The following MMP16 variants were observed in gnomAD, a reference collection of about 807,000 sequenced individuals.
MMP16 encodes matrix metallopeptidase 16, also known as matrix metalloproteinase-16.
In MMP16, 12 loss-of-function variants were observed where a neutral mutation model predicts 67.8. The ratio of observed to expected loss-of-function variants is 0.18; its 90% confidence interval spans 0.11 to 0.29. MMP16 has a LOEUF of 0.29. MMP16 is among the 10% of genes least tolerant of loss of function. MMP16 has a pLI of 1.00. For synonymous variants in MMP16, 249 were observed against 255.9 expected (o/e 0.97, Z 0.26); for missense variants, 475 against 765.7 (o/e 0.62, Z 4.48).
intron 4 of MMP16, among the ~76,000 whole-genome samples, chr8:88,157,987 C>A (rs942001886): frequency 6.6e-6 from 1 of 152,166 alleles, no homozygotes; most frequent in African/African-American, 2.4e-5. Context: ...CATGTCCCTA[C>A]AAAGGACATG....
intron 7 of MMP16, among the ~76,000 whole-genome samples, chr8:88,069,050 G>C (rs1808506533): frequency 6.6e-6 from 1 of 152,164 alleles, no homozygotes; most frequent in Admixed American, 6.6e-5. Flanking sequence ...TAGGCTCTTT[G>C]TATCTGTATA....
chr8:88,140,068 G>A (rs959874158), intron 4 of MMP16, among the ~76,000 whole-genome samples: 3 of 152,050 alleles, frequency 2.0e-5, no homozygotes, highest in Non-Finnish European at 4.4e-5. Context: ...CTACCTTGGG[G>A]GTCTCTAGAG....
intron 1 of MMP16, among the ~76,000 whole-genome samples, chr8:88,308,377 T>C (rs1247266260): frequency 1.3e-5 from 2 of 152,096 alleles, no homozygotes; most frequent in African/African-American, 2.4e-5. Flanking sequence ...GGGAACATGT[T>C]CTATCTTGTC....
chr8:88,155,219 T>C (rs947794300), intron 4 of MMP16, among the ~76,000 whole-genome samples: 17 of 152,062 alleles, frequency 1.1e-4, no homozygotes, highest in Non-Finnish European at 1.6e-4. Context: ...CAAATATTTA[T>C]AAGGAATACT....
intron 1 of MMP16, among the ~76,000 whole-genome samples, chr8:88,220,295 T>C: frequency 6.6e-6 from 1 of 152,188 alleles, no homozygotes; most frequent in East Asian, 1.9e-4. Flanking sequence ...GTGTGTGTTT[T>C]GTTATGACTT....
At chr8:88,143,694 G>A (rs1362347235) in intron 4 of MMP16, among the ~76,000 whole-genome samples, 1 of 151,884 alleles carries the variant, frequency 6.6e-6, no homozygotes, top group East Asian at 1.9e-4. Flanking sequence ...GACTGAACAG[G>A]AGTTTATGAT....
chr8:88,238,952 C>T (rs952539275), intron 1 of MMP16, among the ~76,000 whole-genome samples: 3 of 151,998 alleles, frequency 2.0e-5, no homozygotes, highest in Non-Finnish European at 4.4e-5. Context: ...TGGCAAAACC[C>T]GCCTCTACTA....
intron 1 of MMP16, among the ~76,000 whole-genome samples, chr8:88,303,208 C>T (rs1282264695): frequency 1.3e-5 from 2 of 152,160 alleles, no homozygotes; most frequent in African/African-American, 4.8e-5. Flanking sequence ...TCCAGGGAGC[C>T]AGGCAGCGTC....
chr8:88,315,607 T>C (rs1172550903), intron 1 of MMP16, among the ~76,000 whole-genome samples: 1 of 152,114 alleles, frequency 6.6e-6, no homozygotes, highest in Non-Finnish European at 1.5e-5. Flanking sequence ...AGTAACTAAA[T>C]GTGTGTGTGT....
At chr8:88,239,400 G>A (rs1040535315) in intron 1 of MMP16, among the ~76,000 whole-genome samples, 3 of 150,988 alleles carry the variant, frequency 2.0e-5, no homozygotes, top group Non-Finnish European at 2.9e-5. Context: ...ACTTGTCATC[G>A]AGTGAAATAA....
intron 1 of MMP16, among the ~76,000 whole-genome samples, chr8:88,311,186 T>G (rs1403463042): frequency 6.6e-6 from 1 of 151,958 alleles, no homozygotes; most frequent in Non-Finnish European, 1.5e-5. Context: ...AAAAAAAATG[T>G]ATATTAGGAT....
intron 1 of MMP16, among the ~76,000 whole-genome samples, chr8:88,296,347 G>A (rs1320687450): frequency 6.6e-6 from 1 of 152,060 alleles, no homozygotes; most frequent in Non-Finnish European, 1.5e-5. Context: ...GTGATTTTCT[G>A]TCTGTATATA....
chr8:88,048,394 T>A (rs1808225528), intron 8 of MMP16, among the ~76,000 whole-genome samples: 1 of 151,820 alleles, frequency 6.6e-6, no homozygotes, highest in Admixed American at 6.6e-5. Flanking sequence ...CTCATTATTG[T>A]CCATGTATTT....
chr8:88,083,495 G>A (rs1808786568), intron 6 of MMP16, among the ~76,000 whole-genome samples: 1 of 152,062 alleles, frequency 6.6e-6, no homozygotes, highest in African/African-American at 2.4e-5. Flanking sequence ...TGGGATTAAA[G>A]TGGGAATCAA....
rs189818991 is a variant in MMP16 at position 88,158,401 on chromosome 8, G to C, written c.709+9268C>G. Among the ~76,000 whole-genome samples the C allele has an allele frequency of 7.9e-5, 12 of 152,254 alleles. No homozygotes were observed. In the East Asian group the frequency reaches 2.1e-3, roughly 27 times the overall value. On this transcript the variant is annotated intron_variant, in intron 4 of 9. Coordinates refer to ENST00000286614, the MANE Select transcript of MMP16 (RefSeq NM_005941.5). ...AGATGGTATCTCGTGGTTTTGATTT[G>C]CATTTCTCTGATGACCAGTGATGAT...
At chr8:88,300,887 C>G (rs1227060170) in intron 1 of MMP16, among the ~76,000 whole-genome samples, 1 of 151,642 alleles carries the variant, frequency 6.6e-6, no homozygotes, top group Non-Finnish European at 1.5e-5. Flanking sequence ...TGGCATCAGT[C>G]AGAAGGACAA....
chr8:88,040,144 A>G lies in MMP16; in HGVS notation c.*1317T>C, dbSNP rs942265221. 2.0e-5 allele frequency: 3 copies of G among 152,644 alleles called. No homozygotes were observed. The highest frequency in any genetic ancestry group is 2.9e-5 in the Non-Finnish European group (2 of 68,036). 9.5% of individuals were successfully genotyped at this position (152,644 alleles called of 1,614,324 possible). On this transcript the variant is annotated 3_prime_UTR_variant, in exon 10 of 10. Transcript: ENST00000286614. ...CAGAAATTCAGTATGCCTAAAAAAAAGAAAAGAAGACTTAGGCTATTATCA... is the reference window on the plus strand; with the variant it reads ...CAGAAATTCAGTATGCCTAAAAAAAGGAAAAGAAGACTTAGGCTATTATCA...
intron 5 of MMP16, among the ~76,000 whole-genome samples, chr8:88,118,026 T>C (rs1410971755): frequency 6.6e-6 from 1 of 152,104 alleles, no homozygotes; most frequent in Non-Finnish European, 1.5e-5. Context: ...ATAGTAAATA[T>C]GCATAATAGT....
intron 4 of MMP16, among the ~76,000 whole-genome samples, chr8:88,160,341 T>G (rs1347898423): frequency 6.6e-6 from 1 of 152,034 alleles, no homozygotes; most frequent in African/African-American, 2.4e-5. Context: ...ATGGTGTATA[T>G]GTGCCACATT....
Sources: gnomAD v4.1 joint callset for allele counts (sites outside exome capture counted in the v4.1 genomes callset) on GRCh38, gnomAD v4.1.1 for gene constraint, MANE v1.5 for transcripts, NCBI Gene and HGNC (gene_info 2026-07-23, HGNC 2026-07-21) for gene names.